MRPS27: variants seen among roughly 807,000 people sequenced by gnomAD.
The protein encoded by MRPS27 is small ribosomal subunit protein mS27.
A neutral mutation model predicts 48.9 loss-of-function variants in MRPS27; 43 were observed. That is an observed-to-expected ratio of 0.88 (90% CI 0.69 to 1.13). MRPS27 has a LOEUF of 1.13. Ranked by LOEUF, MRPS27 falls within the 50% of genes most tolerant of loss-of-function variation. MRPS27 has a pLI of 0.00. For synonymous variants in MRPS27, 188 were observed against 171.9 expected (o/e 1.09, Z -0.73); for missense variants, 467 against 476.3 (o/e 0.98, Z 0.18).
At chr5:72,257,502 G>A (rs1748841477) in intron 4 of MRPS27, among the ~76,000 whole-genome samples, 1 of 152,134 alleles carries the variant, frequency 6.6e-6, no homozygotes, top group Non-Finnish European at 1.5e-5. Flanking sequence ...GTTGAATCTG[G>A]TGGTTCCACT....
At chr5:72,223,008 A>AT (rs756579887) in intron 10 of MRPS27, among the ~76,000 whole-genome samples, 27 of 152,346 alleles carry the variant, frequency 1.8e-4, no homozygotes, top group Non-Finnish European at 3.2e-4. Flanking sequence ...TTCTGACAGC[A>AT]TTTTTTCCCC....
chr5:72,296,902 G>A (rs550421063), intron 3 of MRPS27, among the ~76,000 whole-genome samples: 32 of 152,192 alleles, frequency 2.1e-4, no homozygotes, highest in Non-Finnish European at 4.6e-4. Context: ...TGCTGAAAAT[G>A]AGAAAATTGA....
rs1163657228 is a variant in MRPS27 at position 72,270,818 on chromosome 5, C to T, written c.281+24713G>A. On this transcript the variant is annotated intron_variant, in intron 4 of 10. Coordinates refer to ENST00000261413, the MANE Select transcript of MRPS27 (RefSeq NM_015084.3). ...CACTCTTGGGAATTCATCCCAAGAA[C>T]GCAAGTCTGGATTAACATTTGAAAA... 4.6e-5 allele frequency among the ~76,000 whole-genome samples: 7 copies of T among 152,014 alleles called. No individual in the cohort carries two copies. The East Asian group carries it at 7.7e-4, about 17-fold the overall frequency.
chr5:72,312,581 CTT>C (rs1399366363), intron 2 of MRPS27, among the ~76,000 whole-genome samples: 1 of 151,206 alleles, frequency 6.6e-6, no homozygotes, highest in Admixed American at 6.6e-5. Context: ...GTTACTTCCC[CTT>C]TGTTTCTCCT....
At chr5:72,278,108 A>T (rs1281533489) in intron 4 of MRPS27, among the ~76,000 whole-genome samples, 1 of 152,192 alleles carries the variant, frequency 6.6e-6, no homozygotes, top group African/African-American at 2.4e-5. Context: ...AAAAATAAGC[A>T]GAACATAACA....
intron 4 of MRPS27, among the ~76,000 whole-genome samples, chr5:72,260,149 C>T (rs1748927189): frequency 6.6e-6 from 1 of 152,090 alleles, no homozygotes; most frequent in South Asian, 2.1e-4. Context: ...AGGCATTTTG[C>T]TATATTTGTC....
At chr5:72,244,522 C>A (rs924324132) in intron 4 of MRPS27, among the ~76,000 whole-genome samples, 2 of 152,186 alleles carry the variant, frequency 1.3e-5, no homozygotes, top group African/African-American at 4.8e-5. Context: ...ATTCTCTCTC[C>A]CTGCTCTCTG....
intron 4 of MRPS27, among the ~76,000 whole-genome samples, chr5:72,250,695 T>C (rs1225422536): frequency 6.6e-6 from 1 of 152,222 alleles, no homozygotes; most frequent in Non-Finnish European, 1.5e-5. Context: ...AGGAGCTATT[T>C]AGGCATTTTG....
chr5:72,232,368 T>G, intron 7 of MRPS27, 75 bp downstream of exon 7: 1 of 1,101,918 alleles, frequency 9.1e-7, no homozygotes, highest in Admixed American at 2.4e-5. Context: ...CAGACACCTT[T>G]TTCCAGCTTT....
In MRPS27 at chr5:72,315,168, C is replaced by T. The variant is rs527277182; in HGVS notation, c.74-1010G>A. On this transcript the variant is annotated intron_variant, in intron 1 of 10. Coordinates refer to ENST00000261413, the MANE Select transcript of MRPS27 (RefSeq NM_015084.3). The stretch of plus-strand genomic sequence containing the variant: ...GAAAGTGAAAGTACAACCCAAAGAA[C>T]AGGAGAAAATATTTGCAAAACATTT... 9.2e-5 allele frequency among the ~76,000 whole-genome samples: 14 copies of T among 151,940 alleles called. No individual in the cohort carries two copies. In the South Asian group the frequency reaches 2.9e-3, roughly 32 times the overall value.
intron 2 of MRPS27, among the ~76,000 whole-genome samples, chr5:72,305,935 A>G (rs533288614): frequency 2.0e-5 from 3 of 152,374 alleles, no homozygotes; most frequent in South Asian, 4.1e-4. Flanking sequence ...TGTTTATTTT[A>G]GCCAAAGGGA....
At chr5:72,234,459 C>A (rs1396542433) in intron 5 of MRPS27, among the ~76,000 whole-genome samples, 1 of 151,252 alleles carries the variant, frequency 6.6e-6, no homozygotes, top group Non-Finnish European at 1.5e-5. Context: ...AATTCTAACA[C>A]CTCATCATAG....
At chr5:72,233,111 A>C (rs1748105877) in intron 6 of MRPS27, among the ~76,000 whole-genome samples, 1 of 152,172 alleles carries the variant, frequency 6.6e-6, no homozygotes, top group African/African-American at 2.4e-5. Flanking sequence ...GGAAACCCTA[A>C]ATCTCAGGTG....
Position 72,226,086 on chromosome 5 carries a change from G to C in MRPS27, c.808C>G (p.Pro270Ala). 6.2e-7 allele frequency: 1 copy of C among 1,613,682 alleles called. No individual in the cohort carries two copies. The highest frequency in any genetic ancestry group is 8.5e-7 in the Non-Finnish European group (1 of 1,179,788). The part of the protein sequence containing the change: ...LQVMEKVAAS[P>A]EDIKLCREAL... ...TCTCTACACAGCTTTATGTCTTCTG[G>C]GGAGGCAGCCACTTTCTCCATCACT... Residue 270 changes from proline (P) to alanine (A), a missense_variant, in exon 9 of 11, where the codon CCA becomes GCA. By Grantham distance (27) the Pro-to-Ala change is conservative (BLOSUM62 -1). Coordinates refer to ENST00000261413, the MANE Select transcript of MRPS27 (RefSeq NM_015084.3).
chr5:72,279,342 G>A (rs1484872408), intron 4 of MRPS27, among the ~76,000 whole-genome samples: 4 of 152,068 alleles, frequency 2.6e-5, no homozygotes. Context: ...TTGGCCTATG[G>A]ATATAATCTA....
chr5:72,268,848 T>A (rs536872012), intron 4 of MRPS27, among the ~76,000 whole-genome samples: 18 of 152,326 alleles, frequency 1.2e-4, no homozygotes, highest in African/African-American at 4.3e-4. Context: ...CTCTAATTGA[T>A]AGGGGGTCAA....
At position 72,320,181 on chromosome 5, in the gene MRPS27, C is replaced by A. The variant is rs778686176; in HGVS notation, c.41G>T (p.Arg14Leu). ...SIVRRGMLLA[R>L]QVVLPQLSPA... is the part of the protein sequence containing the mutation. The stretch of plus-strand genomic sequence containing the variant: ...AGAGAGCTGAGGAAGAACCACTTGC[C>A]GCGCCAGGAGCATCCCGCGCCGCAC... Residue 14 changes from arginine (R) to leucine (L), a missense_variant, in exon 1 of 11, where the codon CGG (arginine) becomes CTG (leucine). Physicochemically the swap from Arg to Leu is moderately radical, Grantham distance 102 (BLOSUM62 -2). Transcript: ENST00000261413. 15 of 1,613,866 alleles carry A rather than the reference C, an allele frequency of 9.3e-6. No homozygotes were observed. In the South Asian group the frequency reaches 1.2e-4, roughly 13 times the overall value.
intron 4 of MRPS27, among the ~76,000 whole-genome samples, chr5:72,287,167 T>C (rs1026944832): frequency 6.6e-6 from 1 of 152,084 alleles, no homozygotes; most frequent in Non-Finnish European, 1.5e-5. Flanking sequence ...TAATGCCTGA[T>C]GATCTGAGAT....
chr5:72,279,548 G>C (rs1000259274), intron 4 of MRPS27, among the ~76,000 whole-genome samples: 1 of 152,078 alleles, frequency 6.6e-6, no homozygotes, highest in Non-Finnish European at 1.5e-5. Context: ...CTTGAGGACA[G>C]GAGTTTGAGA....
Sources: gnomAD v4.1 joint callset for allele counts (sites outside exome capture counted in the v4.1 genomes callset) on GRCh38, gnomAD v4.1.1 for gene constraint, MANE v1.5 for transcripts, NCBI Gene and HGNC (gene_info 2026-07-23, HGNC 2026-07-21) for gene names.